SPIN1: variants seen among roughly 807,000 people sequenced by gnomAD.
SPIN1 encodes the protein spindlin 1.
SPIN1 carries 3 observed loss-of-function variants against 26.0 expected under a neutral mutation model. That is an observed-to-expected ratio of 0.12 (90% CI 0.05 to 0.30). The LOEUF (loss-of-function observed/expected upper bound fraction) is 0.30, where lower values mean the gene tolerates loss of function less well. Ranked by LOEUF, SPIN1 falls within the 10% of genes least tolerant of loss-of-function variation. The pLI, the probability that SPIN1 is intolerant of heterozygous loss-of-function variation, is 1.00. For missense variants in SPIN1, 126 were observed against 333.4 expected, an observed-to-expected ratio of 0.38 and a Z score of 4.84; for synonymous variants, 101 against 116.5, an observed-to-expected ratio of 0.87 and a Z score of 0.86.
In SPIN1 at chr9:88,395,105, G is replaced by C. The variant is rs564893187; in HGVS notation, c.-159+6567G>C. ...TTACAGGCGTGAGCCACCGCGCCTG[G>C]CCTATTTAATGTATTTTTTAACATG... is the stretch of plus-strand genomic sequence containing the variant. On this transcript the variant is annotated intron_variant, in intron 1 of 5. Transcript: ENST00000375859. 2.0e-5 allele frequency among the ~76,000 whole-genome samples: 3 copies of C among 151,888 alleles called. No individual in the cohort carries two copies. In the Admixed American group the frequency reaches 2.0e-4, roughly 10 times the overall value.
rs559373533 is a variant in SPIN1, at chr9:88,433,588, G to A, written c.52+6997G>A. On this transcript the variant is annotated intron_variant, in intron 2 of 5. Transcript: ENST00000375859. ...GCCTGGACTTCTCCTGCCTTATTGGGGAGTCTGTGAAATGTTTTCTTTGGA... is the reference window on the plus strand; with the variant it reads ...GCCTGGACTTCTCCTGCCTTATTGGAGAGTCTGTGAAATGTTTTCTTTGGA... Among the ~76,000 whole-genome samples the A allele has an allele frequency of 3.9e-5, 6 of 152,226 alleles. No homozygotes were observed. The South Asian group carries it at 1.2e-3, about 32-fold the overall frequency.
At chr9:88,415,054 C>T (rs921513688) in intron 1 of SPIN1, among the ~76,000 whole-genome samples, 3 of 152,014 alleles carry the variant, frequency 2.0e-5, no homozygotes, top group Non-Finnish European at 4.4e-5. Context: ...AAGGTGCATG[C>T]CACCACGCCT....
intron 4 of SPIN1, among the ~76,000 whole-genome samples, chr9:88,468,046 A>G (rs1828706440): frequency 6.6e-6 from 1 of 152,194 alleles, no homozygotes; most frequent in Non-Finnish European, 1.5e-5. Flanking sequence ...AACAAACAGT[A>G]TTTTATACCT....
chr9:88,446,049 C>G (rs948841926), intron 2 of SPIN1, among the ~76,000 whole-genome samples: 3 of 151,922 alleles, frequency 2.0e-5, no homozygotes, highest in African/African-American at 7.3e-5. Flanking sequence ...ATTTTCCTGT[C>G]TGCTTGTTAT....
At chr9:88,409,837 C>CAAA (rs879517349) in intron 1 of SPIN1, among the ~76,000 whole-genome samples, 1 of 111,202 alleles carries the variant, frequency 9.0e-6, no homozygotes, top group Non-Finnish European at 1.9e-5. Context: ...GACTCCGTCT[C>CAAA]AAAAAAAAAA....
chr9:88,461,632 A>G (rs1286250809), intron 3 of SPIN1, among the ~76,000 whole-genome samples: 5 of 152,216 alleles, frequency 3.3e-5, no homozygotes, highest in Non-Finnish European at 7.3e-5. Context: ...TACCCATAAA[A>G]CTGTGGGAAG....
intron 1 of SPIN1, among the ~76,000 whole-genome samples, chr9:88,421,765 C>G (rs1827670977): frequency 6.6e-6 from 1 of 151,968 alleles, no homozygotes; most frequent in African/African-American, 2.4e-5. Context: ...TGTACAAAGT[C>G]CACCTTTCTA....
At chr9:88,450,390 G>A (rs549532936) in intron 3 of SPIN1, among the ~76,000 whole-genome samples, 3 of 152,220 alleles carry the variant, frequency 2.0e-5, no homozygotes, top group South Asian at 2.1e-4. Context: ...ATTAATGTGC[G>A]TTCTAATCAT....
At chr9:88,449,782 A>G (rs1415730129) in intron 3 of SPIN1, among the ~76,000 whole-genome samples, 1 of 152,176 alleles carries the variant, frequency 6.6e-6, no homozygotes, top group East Asian at 1.9e-4. Flanking sequence ...TTAGTCATAG[A>G]TTATTAAATA....
At position 88,405,361 on chromosome 9, in the gene SPIN1, T is replaced by C. The variant is rs1318046822; in HGVS notation, c.-159+16823T>C. ...CTCCTGCCTCAGCCTCCCGAGTAGC[T>C]GGGATTACTGGCATGCGCCACCATG... is the stretch of plus-strand genomic sequence containing the variant. On this transcript the variant is annotated intron_variant, in intron 1 of 5. Transcript: ENST00000375859. 4.6e-5 allele frequency among the ~76,000 whole-genome samples: 7 copies of C among 151,238 alleles called. No individual in the cohort carries two copies. The East Asian group carries it at 1.4e-3, about 30-fold the overall frequency.
At chr9:88,422,517 C>T (rs1827689268) in intron 1 of SPIN1, among the ~76,000 whole-genome samples, 1 of 152,088 alleles carries the variant, frequency 6.6e-6, no homozygotes, top group South Asian at 2.1e-4. Context: ...CTGTTAAAAC[C>T]AGGGTTTTCA....
chr9:88,463,071 T>G (rs1828601813), intron 4 of SPIN1, among the ~76,000 whole-genome samples: 1 of 152,142 alleles, frequency 6.6e-6, no homozygotes. Context: ...ATCCTATATG[T>G]TAATCTCATC....
rs1426179857 is a variant in SPIN1 at position 88,477,162 on chromosome 9, G to A, written c.*1885G>A. The A allele has an allele frequency of 6.6e-6, 1 of 152,144 alleles. No individual in the cohort carries two copies. Among genetic ancestry groups the A allele is most frequent in the African/African-American group, 2.4e-5 (1 of 41,428 alleles). The allele number at this position is 152,144 out of a possible 1,614,324, so 9.4% of individuals were successfully genotyped here. A position where few individuals can be genotyped will look rare whatever the true frequency, so the allele number is the denominator to read the frequency against. On this transcript the variant is annotated 3_prime_UTR_variant, in exon 6 of 6. Coordinates refer to ENST00000375859, the MANE Select transcript of SPIN1 (RefSeq NM_006717.3). ...GTGTCATTCTACAGATCTGTTATGT[G>A]TTTTCCTGTTGACTCTTAAGAGTCC...
intron 2 of SPIN1, among the ~76,000 whole-genome samples, chr9:88,444,697 T>C (rs906707878): frequency 6.8e-6 from 1 of 147,870 alleles, no homozygotes; most frequent in African/African-American, 2.5e-5. Context: ...TTTTCTTTTT[T>C]TTTTTTTTTT....
chr9:88,428,040 T>G (rs760814437), intron 2 of SPIN1, among the ~76,000 whole-genome samples: 1 of 152,190 alleles, frequency 6.6e-6, no homozygotes, highest in Non-Finnish European at 1.5e-5. Flanking sequence ...TTTCTTCTCA[T>G]TAATTGAAAA....
chr9:88,424,647 G>C (rs924103307), intron 1 of SPIN1, among the ~76,000 whole-genome samples: 2 of 152,214 alleles, frequency 1.3e-5, no homozygotes, highest in Non-Finnish European at 2.9e-5. Context: ...GGGAGTGTCA[G>C]TGTAAGAAAA....
intron 1 of SPIN1, among the ~76,000 whole-genome samples, chr9:88,400,499 A>AT (rs1373897524): frequency 1.3e-5 from 2 of 152,160 alleles, no homozygotes; most frequent in African/African-American, 2.4e-5. Context: ...CCTCGGTTAG[A>AT]TTTTTTCTGG....
intron 3 of SPIN1, among the ~76,000 whole-genome samples, chr9:88,456,023 TA>T (rs1413967703): frequency 1.3e-5 from 2 of 152,170 alleles, no homozygotes; most frequent in Non-Finnish European, 2.9e-5. Context: ...GCTTTTAAAT[TA>T]ATGGGGCCTA....
intron 2 of SPIN1, among the ~76,000 whole-genome samples, chr9:88,430,888 T>C (rs956440923): frequency 4.6e-5 from 7 of 150,724 alleles, no homozygotes; most frequent in Admixed American, 1.3e-4. Context: ...TTTTTCTTTT[T>C]TTTTTTTTTT....
Sources: gnomAD v4.1 joint callset for allele counts (sites outside exome capture counted in the v4.1 genomes callset) on GRCh38, gnomAD v4.1.1 for gene constraint, MANE v1.5 for transcripts, NCBI Gene and HGNC (gene_info 2026-07-23, HGNC 2026-07-21) for gene names.